The following CFAP20DC variants were observed in gnomAD, a reference collection of about 807,000 sequenced individuals.
The protein encoded by CFAP20DC is CFAP20 domain containing.
CFAP20DC carries 84 observed loss-of-function variants against 101.7 expected under a neutral mutation model. The ratio of observed to expected loss-of-function variants is 0.83; its 90% CI spans 0.69 to 0.99. CFAP20DC has a LOEUF of 0.99. Among genes scored for constraint, CFAP20DC ranks in the 50% least tolerant of loss-of-function variants. The pLI is 0.00. For missense variants in CFAP20DC, 1,007 were observed against 970.3 expected, an observed-to-expected ratio of 1.04 and a Z score of -0.50; for synonymous variants, 359 against 351.2, an observed-to-expected ratio of 1.02 and a Z score of -0.25.
At chr3:58,980,598 C>A (rs2092491910) in intron 4 of CFAP20DC, among the ~76,000 whole-genome samples, 1 of 152,144 alleles carries the variant, frequency 6.6e-6, no homozygotes, top group Non-Finnish European at 1.5e-5. Context: ...GAACCAAAGA[C>A]AAAAACCACA....
At chr3:58,902,594 G>A (rs1332717180) in intron 6 of CFAP20DC, among the ~76,000 whole-genome samples, 1 of 152,116 alleles carries the variant, frequency 6.6e-6, no homozygotes, top group African/African-American at 2.4e-5. Flanking sequence ...GTCTATTCAA[G>A]TCCTTTGATT....
At position 59,031,275 on chromosome 3, in the gene CFAP20DC, T is replaced by C. The variant is rs573178780; in HGVS notation, c.278+8282A>G. Among the ~76,000 whole-genome samples the C allele has an allele frequency of 1.3e-3, 195 of 152,300 alleles. 1 individual carries two copies. Among genetic ancestry groups the C allele is most frequent in the African/African-American group, 4.6e-3 (192 of 41,556 alleles). On this transcript the variant is annotated intron_variant, in intron 4 of 16. Coordinates refer to ENST00000482387, the MANE Select transcript of CFAP20DC (RefSeq NM_001394063.1). Reference sequence around the variant, plus strand: ...TGTTCTAAGGTTCAGCCAAATGTCTTGTACAATTTTGATCAAAAGGCCAAC... The same window carrying C: ...TGTTCTAAGGTTCAGCCAAATGTCTCGTACAATTTTGATCAAAAGGCCAAC...
chr3:58,904,959 CATTA>C (rs765192214), intron 6 of CFAP20DC, among the ~76,000 whole-genome samples: 3 of 152,158 alleles, frequency 2.0e-5, no homozygotes, highest in African/African-American at 7.2e-5. Flanking sequence ...ATCTTTAATT[CATTA>C]ATTAATCAAA....
chr3:59,016,204 A>G (rs2093685975), intron 4 of CFAP20DC, among the ~76,000 whole-genome samples: 1 of 152,168 alleles, frequency 6.6e-6, no homozygotes, highest in African/African-American at 2.4e-5. Flanking sequence ...CATAAAAGGG[A>G]TGAAATCCTG....
At chr3:58,962,853 G>A (rs1009578356) in intron 4 of CFAP20DC, among the ~76,000 whole-genome samples, 1 of 151,936 alleles carries the variant, frequency 6.6e-6, no homozygotes, top group African/African-American at 2.4e-5. Flanking sequence ...TGACCCCCAG[G>A]GATACGCAGG....
intron 13 of CFAP20DC, among the ~76,000 whole-genome samples, chr3:58,834,907 A>T (rs957856931): frequency 6.6e-6 from 1 of 152,156 alleles, no homozygotes; most frequent in African/African-American, 2.4e-5. Context: ...AAACATACAT[A>T]AAAAATTGGA....
chr3:58,866,770 T>G (rs185220549), intron 10 of CFAP20DC, 82 bp from the exon 11 acceptor site: 5 of 887,092 alleles, frequency 5.6e-6, no homozygotes, highest in Non-Finnish European at 6.9e-6. Flanking sequence ...TTTACTTTGG[T>G]ATACTTTACT....
At chr3:58,753,929 G>C (rs1484087421) in intron 15 of CFAP20DC, 66 bp from the exon 16 acceptor site, 1 of 1,099,680 alleles carries the variant, frequency 9.1e-7, no homozygotes, top group Non-Finnish European at 1.3e-6. Context: ...GTTTCCCATG[G>C]ATTTTCAGTT....
At chr3:58,746,916 C>A (rs996405650) in intron 16 of CFAP20DC, among the ~76,000 whole-genome samples, 23 of 152,106 alleles carry the variant, frequency 1.5e-4, no homozygotes, top group Admixed American at 3.9e-4. Context: ...ATTATAATAT[C>A]ATTACGCAAT....
chr3:58,768,371 A>C (rs1433644637), intron 15 of CFAP20DC, among the ~76,000 whole-genome samples: 8 of 152,282 alleles, frequency 5.3e-5, no homozygotes, highest in Admixed American at 5.2e-4. Flanking sequence ...GCACCACTGA[A>C]TTAATTGGAA....
At chr3:58,893,385 T>C (rs58030330) in intron 6 of CFAP20DC, among the ~76,000 whole-genome samples, 2,736 of 152,308 alleles carry the variant, frequency 0.018, 69 homozygotes, top group African/African-American at 0.061. Context: ...TCTGCATCTA[T>C]TAAGATAATC....
At chr3:58,854,682 C>T (rs1179375493) in intron 12 of CFAP20DC, among the ~76,000 whole-genome samples, 1 of 151,884 alleles carries the variant, frequency 6.6e-6, no homozygotes, top group Non-Finnish European at 1.5e-5. Context: ...AATAATGCCA[C>T]ATATCTACAA....
chr3:58,729,493 A>T lies in CFAP20DC; in HGVS notation c.198-11865T>A, dbSNP rs1330087270. Among the ~76,000 whole-genome samples, 2 of 151,958 alleles carry T rather than the reference A, an allele frequency of 1.3e-5. No individual in the cohort carries two copies. The highest frequency in any genetic ancestry group is 2.9e-5 in the Non-Finnish European group (2 of 67,994). ...ACTTTTATTAATTTATGTGTAGATAAAAGAGTTGTTTTAAGACACTAGATA... is the reference window on the plus strand; with the variant it reads ...ACTTTTATTAATTTATGTGTAGATATAAGAGTTGTTTTAAGACACTAGATA... On this transcript the variant is annotated intron_variant, in intron 3 of 3. Transcript: ENST00000486145. This position sits in a 1 kb window ranked among gnomAD's most constrained non-coding sequence, Gnocchi z 4.4.
At chr3:58,887,308 A>C (rs1048285569) in intron 6 of CFAP20DC, 6 of 152,196 alleles carry the variant, frequency 3.9e-5, no homozygotes, top group African/African-American at 1.2e-4. Flanking sequence ...ATACTTCAAA[A>C]CTCCTTTGAG....
At chr3:58,720,659 G>A (rs2067459319) in intron 3 of CFAP20DC, among the ~76,000 whole-genome samples, 1 of 152,184 alleles carries the variant, frequency 6.6e-6, no homozygotes, top group Non-Finnish European at 1.5e-5. Flanking sequence ...GCATTCCCAT[G>A]GCTAGGCATT....
chr3:58,974,930 G>A (rs904762815), intron 4 of CFAP20DC, among the ~76,000 whole-genome samples: 1 of 152,098 alleles, frequency 6.6e-6, no homozygotes, highest in East Asian at 1.9e-4. Context: ...TGGAAGCACC[G>A]AATAAAACCC....
At chr3:58,734,193 T>A (rs953130780) in intron 3 of CFAP20DC, among the ~76,000 whole-genome samples, 1 of 152,234 alleles carries the variant, frequency 6.6e-6, no homozygotes, top group Non-Finnish European at 1.5e-5. Context: ...CCTTCTGCCA[T>A]GATTATAAGT....
intron 15 of CFAP20DC, among the ~76,000 whole-genome samples, chr3:58,801,050 TGA>T (rs143776206): frequency 1.8e-3 from 233 of 130,830 alleles, no homozygotes; most frequent in Admixed American, 1.7e-3. Context: ...GGGGAGTAAG[TGA>T]GAGAGAGAGA....
intron 4 of CFAP20DC, among the ~76,000 whole-genome samples, chr3:58,957,594 A>G (rs4681704): frequency 0.39 from 59,149 of 152,114 alleles, 13,305 homozygotes; most frequent in South Asian, 0.57. Context: ...AAGATTTGGA[A>G]GCAAACCAAG....
Sources: gnomAD v4.1 joint callset for allele counts (sites outside exome capture counted in the v4.1 genomes callset) on GRCh38, gnomAD v4.1.1 for gene constraint, Gnocchi (gnomAD v3.1) non-coding constraint, MANE v1.5 for transcripts, NCBI Gene and HGNC (gene_info 2026-07-23, HGNC 2026-07-21) for gene names.